NOX5: variants seen among roughly 807,000 people sequenced by gnomAD.
NOX5 encodes NADPH oxidase 5, also known as NADPH oxidase, EF-hand calcium binding domain 5.
Under a neutral mutation model 85.7 loss-of-function variants are expected in NOX5, and 76 were observed. The ratio of observed to expected loss-of-function variants is 0.89; its 90% CI spans 0.74 to 1.07. The LOEUF is 1.07. Among genes scored for constraint, NOX5 ranks in the 50% least tolerant of loss-of-function variants. The probability of loss-of-function intolerance (pLI) is 0.00; values close to 1 mark genes in which losing one functional copy is unlikely to be tolerated. For missense variants in NOX5, 973 were observed against 999.5 expected, an observed-to-expected ratio of 0.97 and a Z score of 0.36; for synonymous variants, 405 against 401.4, an observed-to-expected ratio of 1.01 and a Z score of -0.11.
chr15:69,039,968 T>G (rs1383789170), intron 9 of NOX5, among the ~76,000 whole-genome samples: 2 of 152,194 alleles, frequency 1.3e-5, no homozygotes, highest in Non-Finnish European at 2.9e-5. Flanking sequence ...AGTGACCTAT[T>G]ACAGTAAGAC....
Position 69,057,037 on chromosome 15 carries a change from C to G in NOX5, c.*341C>G, listed in dbSNP as rs1039526503. 3 of 205,528 alleles carry G rather than the reference C, an allele frequency of 1.5e-5. No individual in the cohort carries two copies. In the Admixed American group the frequency reaches 1.6e-4, roughly 11 times the overall value. The allele number at this position is 205,528 out of a possible 1,614,324, so 12.7% of individuals were successfully genotyped here. The stretch of plus-strand genomic sequence containing the variant: ...AACATTTTCCGACGGAGCCTTCCCC[C>G]ACATCCATGGTCCCAAACCTGCCCA... On this transcript the variant is annotated 3_prime_UTR_variant, in exon 16 of 16. Coordinates refer to ENST00000388866, the MANE Select transcript of NOX5 (RefSeq NM_024505.4).
At position 69,047,399 on chromosome 15, in the gene NOX5, C is replaced by A. The variant is rs369407282; in HGVS notation, c.1693-14C>A. On this transcript the variant is annotated splice_polypyrimidine_tract_variant and intron_variant, in intron 11 of 15. Coordinates refer to ENST00000388866, the MANE Select transcript of NOX5 (RefSeq NM_024505.4). ...ACCCCCCATCTCTCTTCTCTGATGC[C>A]CTCTTGTGCACAGTGCTACATCGAT... 7 of 1,584,352 alleles carry A rather than the reference C, an allele frequency of 4.4e-6. No homozygotes were observed. In the African/African-American group the frequency reaches 8.1e-5, roughly 18 times the overall value.
At position 69,026,564 on chromosome 15, in the gene NOX5, G is replaced by T; in HGVS notation, c.87G>T (p.Arg29=). The T allele has an allele frequency of 6.2e-7, 1 of 1,614,204 alleles. No homozygotes were observed. Among genetic ancestry groups the T allele is most frequent in the Non-Finnish European group, 8.5e-7 (1 of 1,180,038 alleles). ...CCGAGGAGGATGCCAGGTGGCTCCG[G>T]TGGGTGACTCAGCAGTTTAAGACCA... is the stretch of plus-strand genomic sequence containing the variant. The part of the protein sequence containing the change: ...MSAEEDARWL[R]WVTQQFKTIA... The change falls in exon 2 of 16, where the codon CGG becomes CGT. Residue 29 remains arginine, a synonymous_variant. Coordinates refer to ENST00000388866, the MANE Select transcript of NOX5 (RefSeq NM_024505.4).
At chr15:69,035,615 G>C (rs1411389477) in intron 6 of NOX5, 108 bp downstream of exon 6, 8 of 1,551,364 alleles carry the variant, frequency 5.2e-6, no homozygotes, top group Non-Finnish European at 7.0e-6. Flanking sequence ...GGCAGAGAAG[G>C]GGTGCCCTGG....
At chr15:69,022,293 A>G in intron 1 of NOX5, 1 of 189,142 alleles carries the variant, frequency 5.3e-6, no homozygotes, top group South Asian at 1.4e-4. Flanking sequence ...TGGCTTACCC[A>G]AGGTGACCTC....
intron 1 of NOX5, among the ~76,000 whole-genome samples, chr15:69,025,469 C>G (rs2050345621): frequency 1.3e-5 from 2 of 152,160 alleles, no homozygotes; most frequent in Non-Finnish European, 2.9e-5. Flanking sequence ...AGAAGGCAGG[C>G]ATCGTCGCCT....
At chr15:69,056,440 G>A in intron 15 of NOX5, 125 bp from the exon 16 acceptor site, 8 of 1,235,500 alleles carry the variant, frequency 6.5e-6, no homozygotes, top group Middle Eastern at 2.9e-4. Flanking sequence ...GCAGCTCCCT[G>A]TGTAAAATGG....
intron 10 of NOX5, among the ~76,000 whole-genome samples, chr15:69,045,582 T>TTTTC (rs750786854): frequency 3.6e-4 from 16 of 44,304 alleles, no homozygotes; most frequent in Non-Finnish European, 3.7e-4. Flanking sequence ...CCTTTCTTTC[T>TTTTC]TTTCTTTCTT....
Position 69,057,233 on chromosome 15 carries a change from C to T in NOX5, c.*537C>T, listed in dbSNP as rs1424373763. 2 of 152,312 alleles carry T rather than the reference C, an allele frequency of 1.3e-5. No individual in the cohort carries two copies. Among genetic ancestry groups the T allele is most frequent in the African/African-American group, 4.8e-5 (2 of 41,438 alleles). 9.4% of individuals were successfully genotyped at this position (152,312 alleles called of 1,614,324 possible). On this transcript the variant is annotated 3_prime_UTR_variant, in exon 16 of 16. Transcript: ENST00000388866. ...ATCCATCAGTTCCTCCTCCCTCTTT[C>T]CATCTGTCAATTTATCTGATTTTTT... is the stretch of plus-strand genomic sequence containing the variant.
At chr15:69,035,306 A>G in intron 5 of NOX5, 48 bp from the exon 6 acceptor site, 1 of 1,594,976 alleles carries the variant, frequency 6.3e-7, no homozygotes, top group Non-Finnish European at 8.5e-7. Context: ...AAAGAGGACA[A>G]GGCAGACAGA....
chr15:69,056,516 C>A, intron 15 of NOX5, 49 bp from the exon 16 acceptor site: 1 of 1,598,304 alleles, frequency 6.3e-7, no homozygotes, highest in African/African-American at 1.3e-5. Flanking sequence ...GGTGAGTCAG[C>A]AGCTCCACCT....
chr15:69,035,449 G>A lies in NOX5; in HGVS notation c.951G>A (p.Met317Ile). The A allele has an allele frequency of 1.9e-6, 3 of 1,614,172 alleles. No individual in the cohort carries two copies. The highest frequency in any genetic ancestry group is 2.5e-6 in the Non-Finnish European group (3 of 1,180,010). ...AGAACATCCAGTTCCACCAGCTTAT[G>A]GGCTACGTGGTAGTGGGGCTGTCCC... is the stretch of plus-strand genomic sequence containing the variant. Reference protein sequence around the residue: ...LDQNIQFHQLMGYVVVGLSLV... With the variant: ...LDQNIQFHQLIGYVVVGLSLV... Residue 317 changes from methionine (M) to isoleucine (I), a missense_variant, in exon 6 of 16, where the codon ATG (methionine) becomes ATA (isoleucine). Coordinates refer to ENST00000388866, the MANE Select transcript of NOX5 (RefSeq NM_024505.4).
At position 69,040,772 on chromosome 15, in the gene NOX5, C is replaced by T. The variant is rs191418642; in HGVS notation, c.1504+1783C>T. Among the ~76,000 whole-genome samples, 435 of 152,070 alleles carry T rather than the reference C, an allele frequency of 2.9e-3. 1 individual carries two copies. The highest frequency in any genetic ancestry group is 9.9e-3 in the African/African-American group (411 of 41,480). On this transcript the variant is annotated intron_variant, in intron 9 of 15. Coordinates refer to ENST00000388866, the MANE Select transcript of NOX5 (RefSeq NM_024505.4). ...TGTGATCTTGGCTCACTGCAGCCTC[C>T]GCCTCCCGGGTTCTTCTGCTTTAGC...
rs1448723055 is a variant in NOX5 at position 69,060,211 on chromosome 15, A to C, written c.*3515A>C. On this transcript the variant is annotated 3_prime_UTR_variant, in exon 16 of 16. Transcript: ENST00000388866. ...CGGCACAAGTGCAGGCTATTAATAC[A>C]CTGAGCTGGGGCATTCGTGGGAGGG... 1 of 152,098 alleles carries C rather than the reference A, an allele frequency of 6.6e-6. No individual in the cohort carries two copies. The highest frequency in any genetic ancestry group is 1.5e-5 in the Non-Finnish European group (1 of 68,036). 9.4% of individuals were successfully genotyped at this position (152,098 alleles called of 1,614,324 possible).
At chr15:69,031,456 G>A in intron 3 of NOX5, 62 bp from the exon 4 acceptor site, 3 of 1,542,228 alleles carry the variant, frequency 1.9e-6, no homozygotes, top group Non-Finnish European at 2.6e-6. Context: ...ATACCCCCAA[G>A]GAAAGCTGAC....
chr15:69,034,831 C>T (rs1404378975), intron 5 of NOX5, among the ~76,000 whole-genome samples: 3 of 152,206 alleles, frequency 2.0e-5, no homozygotes, highest in African/African-American at 4.8e-5. Context: ...TAACCTCAAA[C>T]GCCTGGGCTC....
chr15:69,035,527 G>A lies in NOX5; in HGVS notation c.1009+20G>A, dbSNP rs370169808. 7 of 1,613,146 alleles carry A rather than the reference G, an allele frequency of 4.3e-6. No individual in the cohort carries two copies. The Admixed American group carries it at 1.2e-4, about 27-fold the overall frequency. On this transcript the variant is annotated intron_variant, in intron 6 of 15. Transcript: ENST00000388866. ...ACTTTGGTGAGTGATCTGGGGCAGG[G>A]TTGGGTCGGGGAGAAGCTTGAGCAG...
In NOX5 at chr15:69,038,724, A is replaced by G. The variant is rs2050553491; in HGVS notation, c.1372-133A>G. 7.9e-6 allele frequency: 10 copies of G among 1,264,690 alleles called. No homozygotes were observed. The South Asian group carries it at 1.2e-4, about 16-fold the overall frequency. 78.3% of individuals were successfully genotyped at this position (1,264,690 alleles called of 1,614,324 possible). A position where few individuals can be genotyped will look rare whatever the true frequency, so the allele number is the denominator to read the frequency against. The stretch of plus-strand genomic sequence containing the variant: ...GAGGTGGGCCACCACTCAGAAGCAC[A>G]GAAGAGTGTCATGTCTCGGGGCATG... On this transcript the variant is annotated intron_variant, in intron 8 of 15. Transcript: ENST00000388866.
At chr15:69,018,150 C>T (rs1056521329) in intron 1 of NOX5, among the ~76,000 whole-genome samples, 1 of 151,820 alleles carries the variant, frequency 6.6e-6, no homozygotes, top group Non-Finnish European at 1.5e-5. Flanking sequence ...CTCAGGCATC[C>T]TAGGGAAACT....
Sources: gnomAD v4.1 joint callset for allele counts (sites outside exome capture counted in the v4.1 genomes callset) on GRCh38, gnomAD v4.1.1 for gene constraint, MANE v1.5 for transcripts, NCBI Gene and HGNC (gene_info 2026-07-23, HGNC 2026-07-21) for gene names.